Variants in CLEC17A observed in about 807,000 individuals in gnomAD.
CLEC17A encodes the protein C-type lectin domain family 17, member A.
In CLEC17A, 37 loss-of-function variants were observed where a neutral mutation model predicts 61.3. The observed-to-expected ratio is 0.60, with a 90% CI of 0.46 to 0.79. The LOEUF (loss-of-function observed/expected upper bound fraction) is 0.79, where lower values mean the gene tolerates loss of function less well. Among genes scored for constraint, CLEC17A ranks in the 30% least tolerant of loss-of-function variants. The pLI, the probability that CLEC17A is intolerant of heterozygous loss-of-function variation, is 0.00. For synonymous variants in CLEC17A, 168 were observed against 164.9 expected (o/e 1.02, Z -0.14); for missense variants, 418 against 464.7 (o/e 0.90, Z 0.92).
At chr19:14,602,703 C>G (rs1249743622) in intron 12 of CLEC17A, among the ~76,000 whole-genome samples, 2 of 151,518 alleles carry the variant, frequency 1.3e-5, no homozygotes, top group Non-Finnish European at 2.9e-5. Context: ...TTTTTTATCC[C>G]TCTGTTTCAT....
intron 10 of CLEC17A, among the ~76,000 whole-genome samples, chr19:14,597,776 T>G (rs2074585268): frequency 7.4e-6 from 1 of 135,708 alleles, no homozygotes; most frequent in African/African-American, 3.8e-5. Flanking sequence ...GTTAAAAAAT[T>G]TTTTTTTTGT....
chr19:14,609,612 C>T (rs541076897), intron 13 of CLEC17A, among the ~76,000 whole-genome samples: 25 of 151,336 alleles, frequency 1.7e-4, no homozygotes, highest in African/African-American at 3.6e-4. Flanking sequence ...CTGAGGCGGG[C>T]GGATCACTTG....
At chr19:14,609,098 C>T (rs1009164868) in intron 13 of CLEC17A, among the ~76,000 whole-genome samples, 6 of 152,158 alleles carry the variant, frequency 3.9e-5, no homozygotes, top group African/African-American at 9.7e-5. Context: ...CCGCACCTGG[C>T]GGAACATTGG....
chr19:14,599,924 C>T (rs1364670692), intron 11 of CLEC17A, 107 bp from the exon 12 acceptor site: 10 of 1,512,326 alleles, frequency 6.6e-6, no homozygotes, highest in Admixed American at 3.7e-5. Flanking sequence ...GTGCCCCTCC[C>T]CCTCACCGGA....
chr19:14,598,332 CTCTT>C (rs35441146), intron 10 of CLEC17A, among the ~76,000 whole-genome samples: 18,849 of 150,854 alleles, frequency 0.12, 1,397 homozygotes, highest in African/African-American at 0.21. Flanking sequence ...CTCTCACTAT[CTCTT>C]TCTTTCTTTC....
chr19:14,584,458 G>A (rs1260872572), intron 2 of CLEC17A: 1 of 152,134 alleles, frequency 6.6e-6, no homozygotes, highest in African/African-American at 2.4e-5. Context: ...TGCCACCAGG[G>A]ACCCTGAGGC....
intron 13 of CLEC17A, among the ~76,000 whole-genome samples, chr19:14,609,399 A>G (rs1000087526): frequency 1.1e-4 from 17 of 152,124 alleles, no homozygotes; most frequent in Non-Finnish European, 4.4e-5. Flanking sequence ...ACATCCTTTA[A>G]TAAATCCTAC....
In CLEC17A at chr19:14,605,896, G is replaced by A. The variant is rs114442851; in HGVS notation, c.895-1097G>A. Among the ~76,000 whole-genome samples the A allele has an allele frequency of 6.4e-3, 971 of 152,104 alleles. 14 individuals are homozygous for A. Among genetic ancestry groups the A allele is most frequent in the African/African-American group, 0.022 (928 of 41,482 alleles). ...TGGGACTATAGACACGCACCACCAC[G>A]TCTGGCTAATTTTTAAAAATTTTTG... On this transcript the variant is annotated intron_variant, in intron 12 of 13. Coordinates refer to ENST00000417570, the MANE Select transcript of CLEC17A (RefSeq NM_001204118.2).
intron 12 of CLEC17A, among the ~76,000 whole-genome samples, chr19:14,600,824 C>T (rs1282421163): frequency 5.3e-5 from 8 of 150,382 alleles, no homozygotes; most frequent in South Asian, 2.1e-4. Context: ...CTCCTGACCT[C>T]GTGATCTGCC....
chr19:14,591,849 C>T (rs1222908271), intron 3 of CLEC17A, among the ~76,000 whole-genome samples: 1 of 151,698 alleles, frequency 6.6e-6, no homozygotes, highest in Admixed American at 6.6e-5. Flanking sequence ...TGAGCCACCA[C>T]TCCCGGCCCA....
intron 4 of CLEC17A, 32 bp downstream of exon 4, chr19:14,592,390 G>T: frequency 6.2e-7 from 1 of 1,610,684 alleles, no homozygotes; most frequent in Non-Finnish European, 8.5e-7. Flanking sequence ...TGACCTGGGG[G>T]AATACAGGGA....
At chr19:14,590,697 T>C (rs6511943) in intron 3 of CLEC17A, among the ~76,000 whole-genome samples, 36,097 of 151,768 alleles carry the variant, frequency 0.24, 7,956 homozygotes, top group African/African-American at 0.59. Context: ...TCTTTTCTTT[T>C]TTCTTTAAGA....
chr19:14,586,554 T>C (rs1263680019), intron 2 of CLEC17A, among the ~76,000 whole-genome samples: 1 of 152,034 alleles, frequency 6.6e-6, no homozygotes, highest in Non-Finnish European at 1.5e-5. Flanking sequence ...TCCTGATAGC[T>C]GGGACTACTG....
In CLEC17A at chr19:14,607,029, T is replaced by C; in HGVS notation, c.931T>C (p.Tyr311His). 1 of 1,330,430 alleles carries C rather than the reference T, an allele frequency of 7.5e-7. No individual in the cohort carries two copies. Among genetic ancestry groups the C allele is most frequent in the Non-Finnish European group, 9.7e-7 (1 of 1,034,622 alleles). 82.4% of individuals were successfully genotyped at this position (1,330,430 alleles called of 1,614,324 possible). Residue 311 changes from tyrosine to histidine, a missense_variant, in exon 13 of 14, where the codon TAC becomes CAC. By Grantham distance (83) the Tyr-to-His change is moderately conservative. Coordinates refer to ENST00000417570, the MANE Select transcript of CLEC17A (RefSeq NM_001204118.2). ...CAAGGCCCATGGCTCTCCACGGGTG[T>C]ACTGGCTGGGGCTGAATGACAGGGC... ...VAKAHGSPRV[Y>H]WLGLNDRAQE...
intron 3 of CLEC17A, among the ~76,000 whole-genome samples, chr19:14,589,849 ATCTT>A (rs1316699918): frequency 2.2e-5 from 3 of 138,780 alleles, no homozygotes; most frequent in Non-Finnish European, 3.1e-5. Context: ...GGTGGCTTCT[ATCTT>A]TGCCTCTGCC....
At chr19:14,582,961 GTGTA>G (rs2074200022), upstream of CLEC17A, 8 of 575,412 alleles carry the variant, frequency 1.4e-5, no homozygotes, top group Admixed American at 3.0e-5. Flanking sequence ...AAGGCTCTGT[GTGTA>G]TGTGTGTGTG....
chr19:14,598,370 TCTTC>T (rs886349702), intron 10 of CLEC17A, among the ~76,000 whole-genome samples: 13 of 151,264 alleles, frequency 8.6e-5, no homozygotes, highest in African/African-American at 1.7e-4. Context: ...TTCCTTCCTT[TCTTC>T]CTTCCTTCCT....
chr19:14,611,507 A>C lies in CLEC17A; in HGVS notation c.*1311A>C, dbSNP rs952943587. On this transcript the variant is annotated 3_prime_UTR_variant, in exon 14 of 14. Coordinates refer to ENST00000417570, the MANE Select transcript of CLEC17A (RefSeq NM_001204118.2). ...ATCCTCCTGCCTCAGCCTCCCAAGT[A>C]GCTGGGACTACAGGCGTTCACCCTC... is the stretch of plus-strand genomic sequence containing the variant. Among the ~76,000 whole-genome samples, 2 of 150,152 alleles carry C rather than the reference A, an allele frequency of 1.3e-5. No homozygotes were observed. The highest frequency in any genetic ancestry group is 2.9e-5 in the Non-Finnish European group (2 of 67,836).
chr19:14,581,984 A>G (rs2146651465), upstream of CLEC17A, among the ~76,000 whole-genome samples: 1 of 152,248 alleles, frequency 6.6e-6, no homozygotes, highest in East Asian at 1.9e-4. Context: ...TCAGGAGACC[A>G]ACATCAGTCT....
Sources: allele counts gnomAD v4.1 joint callset (sites outside exome capture counted in the v4.1 genomes callset), GRCh38; gene constraint gnomAD v4.1.1; transcripts MANE v1.5; gene names NCBI Gene and HGNC (gene_info 2026-07-23, HGNC 2026-07-21).